The following RAD54B variants were observed in gnomAD, a reference collection of about 807,000 sequenced individuals.
RAD54B encodes DNA repair and recombination protein RAD54B.
RAD54B carries 78 observed loss-of-function variants against 95.8 expected under a neutral mutation model. That is an observed-to-expected ratio of 0.81 (90% CI 0.68 to 0.98). The LOEUF is 0.98. Among genes scored for constraint, RAD54B ranks in the 50% least tolerant of loss-of-function variants. RAD54B has a pLI of 0.00. For missense variants in RAD54B, 957 were observed against 1,056.6 expected, an observed-to-expected ratio of 0.91 and a Z score of 1.31; for synonymous variants, 328 against 354.9, an observed-to-expected ratio of 0.92 and a Z score of 0.85.
chr8:94,440,525 A>C (rs543496292), intron 3 of RAD54B, among the ~76,000 whole-genome samples: 18 of 152,210 alleles, frequency 1.2e-4, no homozygotes, highest in Admixed American at 7.9e-4. Context: ...AACTGGTAAA[A>C]GACATCGAAT....
intron 3 of RAD54B, among the ~76,000 whole-genome samples, chr8:94,416,140 G>A (rs1478753256): frequency 3.3e-5 from 5 of 151,430 alleles, no homozygotes; most frequent in Admixed American, 3.3e-4. Context: ...TGATAGACTG[G>A]ATTAAGAAAA....
At chr8:94,436,948 A>G (rs763816465) in intron 3 of RAD54B, 24 of 1,450,958 alleles carry the variant, frequency 1.7e-5, no homozygotes, top group African/African-American at 2.9e-5. Context: ...CACAAACAGA[A>G]AAAGATCAGG....
rs564435569 is a variant in RAD54B at position 94,396,674 on chromosome 8, G to C, written c.1378+2740C>G. Among the ~76,000 whole-genome samples the C allele has an allele frequency of 3.9e-5, 6 of 152,120 alleles. 1 individual carries two copies. The South Asian group carries it at 8.3e-4, about 21-fold the overall frequency. On this transcript the variant is annotated intron_variant, in intron 8 of 14. Coordinates refer to ENST00000336148, the MANE Select transcript of RAD54B (RefSeq NM_012415.3). ...TTATCTTTTCTATGATATAATGAAA[G>C]GGCATTGAAGATCTTATAATAATCA...
At chr8:94,413,326 C>A (rs1580498) in intron 3 of RAD54B, among the ~76,000 whole-genome samples, 2 of 151,966 alleles carry the variant, frequency 1.3e-5, no homozygotes, top group Non-Finnish European at 1.5e-5. Flanking sequence ...TTGGTACTGC[C>A]CTTCCTCTCC....
intron 13 of RAD54B, 28 bp from the exon 14 acceptor site, chr8:94,378,408 C>T: frequency 1.9e-6 from 3 of 1,581,740 alleles, no homozygotes; most frequent in Non-Finnish European, 2.6e-6. Flanking sequence ...ATTAGATTTC[C>T]TTCAGATCTT....
At chr8:94,417,275 A>G (rs1448527595) in intron 3 of RAD54B, among the ~76,000 whole-genome samples, 2 of 152,106 alleles carry the variant, frequency 1.3e-5, no homozygotes, top group African/African-American at 2.4e-5. Context: ...AGCTAAAGGT[A>G]AAAAGTTTCT....
chr8:94,416,338 G>A (rs1811666036), intron 3 of RAD54B, among the ~76,000 whole-genome samples: 2 of 151,968 alleles, frequency 1.3e-5, no homozygotes, highest in African/African-American at 4.8e-5. Context: ...GACACAGGAA[G>A]GGGAACATCA....
Position 94,378,613 on chromosome 8 carries a change from C to G in RAD54B, c.2269G>C (p.Asp757His), listed in dbSNP as rs1257923699. The G allele has an allele frequency of 6.2e-7, 1 of 1,609,548 alleles. No homozygotes were observed. The highest frequency in any genetic ancestry group is 1.3e-5 in the African/African-American group (1 of 74,752). The change falls in exon 13 of 15, where the codon GAT becomes CAT. Residue 757 changes from aspartate to histidine, a missense_variant. Transcript: ENST00000336148. ...ATATGTACAGGATATTTCTGACCAT[C>G]TCTCCATACTCTAGACATTGCCTAT... ...DIQAMSRVWR[D>H]GQKYPVHIYR...
In RAD54B at chr8:94,380,160, T is replaced by C. The variant is rs1810698704; in HGVS notation, c.2232A>G (p.Pro744=). Residue 744 remains proline (P), a synonymous_variant, in exon 12 of 15, where the codon CCA becomes CCG. Coordinates refer to ENST00000336148, the MANE Select transcript of RAD54B (RefSeq NM_012415.3). ...ATATTCCTACCTGAATGTCAGTGGC[T>C]GGATTCCAATCAATGTCATAGAGAA... ...HLILYDIDWN[P]ATDIQAMSRV... The C allele has an allele frequency of 7.5e-6, 12 of 1,609,438 alleles. No homozygotes were observed. Among genetic ancestry groups the C allele is most frequent in the Non-Finnish European group, 9.3e-6 (11 of 1,177,116 alleles).
At position 94,399,533 on chromosome 8, in the gene RAD54B, A is replaced by C; in HGVS notation, c.1259T>G (p.Ile420Ser). 6.2e-7 allele frequency: 1 copy of C among 1,613,326 alleles called. No homozygotes were observed. The highest frequency in any genetic ancestry group is 8.5e-7 in the Non-Finnish European group (1 of 1,179,528). Reference protein sequence around the residue: ...YEMLLRSLDQIKNIKFDLLIC... With the variant: ...YEMLLRSLDQSKNIKFDLLIC... ...TAGAAGATCAAATTTTATATTCTTA[A>C]TTTGATCCAGGGAACGAAGTAACAT... The change falls in exon 8 of 15, where the codon ATT (isoleucine) becomes AGT (serine). Residue 420 changes from isoleucine (I) to serine (S), a missense_variant. Transcript: ENST00000336148.
intron 11 of RAD54B, among the ~76,000 whole-genome samples, chr8:94,382,362 A>G (rs1586121316): frequency 6.6e-6 from 1 of 152,206 alleles, no homozygotes; most frequent in East Asian, 1.9e-4. Flanking sequence ...AAAACTAGAA[A>G]ACAACATGTA....
chr8:94,387,141 T>G lies in RAD54B; in HGVS notation c.1828A>C (p.Thr610Pro), dbSNP rs114436457. The change falls in exon 11 of 15, where the codon ACT becomes CCT. Residue 610 changes from threonine to proline, a missense_variant. Thr to Pro is a conservative substitution (Grantham distance 38, BLOSUM62 -1). Transcript: ENST00000336148. ...CTCTTTTCTTCATTTTTATCACAAGTTGAGCTACATTCCTTTTCCTATTCA... is the reference window on the plus strand; with the variant it reads ...CTCTTTTCTTCATTTTTATCACAAGGTGAGCTACATTCCTTTTCCTATTCA... Reference protein sequence around the residue: ...NSIKEKECSSTCDKNEEKSLY... With the variant: ...NSIKEKECSSPCDKNEEKSLY... 424 of 1,595,350 alleles carry G rather than the reference T, an allele frequency of 2.7e-4. 4 individuals carry two copies. The Middle Eastern group carries it at 6.9e-3, about 26-fold the overall frequency.
chr8:94,458,463 T>C (rs772358665), intron 2 of RAD54B, 27 bp from the exon 3 acceptor site: 1 of 1,503,642 alleles, frequency 6.7e-7, no homozygotes, highest in South Asian at 1.4e-5. Flanking sequence ...TATATTTAAA[T>C]CAGAACTCAA....
At chr8:94,430,627 A>ACAATGGAGTAGAC in intron 3 of RAD54B, 2 of 610,048 alleles carry the variant, frequency 3.3e-6, no homozygotes, top group Non-Finnish European at 4.1e-6. Context: ...TACTTGGAAA[A>ACAATGGAGTAGAC]CCATTGGTCT....
At position 94,378,197 on chromosome 8, in the gene RAD54B, C is replaced by T. The variant is rs752511501; in HGVS notation, c.2498G>A (p.Gly833Glu). 178 of 1,610,662 alleles carry T rather than the reference C, an allele frequency of 1.1e-4. No homozygotes were observed. Among genetic ancestry groups the T allele is most frequent in the South Asian group, 8.8e-5 (8 of 90,568 alleles). Residue 833 changes from glycine to glutamate, a missense_variant, in exon 14 of 15, where the codon GGA becomes GAA. Transcript: ENST00000336148. The part of the protein sequence containing the change: ...THDLLDCECT[G>E]EEVHTGDSLE... ...TAACTAACCTGTATGAACTTCTTCT[C>T]CTGTACACTCACAGTCAAGCAGATC...
At chr8:94,449,048 G>GCACA (rs137936104) in intron 3 of RAD54B, among the ~76,000 whole-genome samples, 79,292 of 149,882 alleles carry the variant, frequency 0.53, 21,275 homozygotes, top group Non-Finnish European at 0.6. Context: ...ACACATGCAT[G>GCACA]CACACACACA....
At chr8:94,437,651 G>A (rs1812299374) in intron 3 of RAD54B, among the ~76,000 whole-genome samples, 1 of 152,168 alleles carries the variant, frequency 6.6e-6, no homozygotes, top group South Asian at 2.1e-4. Flanking sequence ...CGTAATGTAT[G>A]TGAATTTGCT....
At chr8:94,459,994 T>G (rs1398000277) in intron 2 of RAD54B, among the ~76,000 whole-genome samples, 3 of 145,314 alleles carry the variant, frequency 2.1e-5, no homozygotes, top group African/African-American at 7.7e-5. Flanking sequence ...CGGTCTCTAC[T>G]AAAAATACAA....
chr8:94,377,968 T>A (rs1281277092), intron 14 of RAD54B, among the ~76,000 whole-genome samples: 2 of 73,102 alleles, frequency 2.7e-5, no homozygotes, highest in South Asian at 5.5e-4. Context: ...AGAGCGAGAC[T>A]CCGTCTCAAA....
Sources: allele counts gnomAD v4.1 joint callset (sites outside exome capture counted in the v4.1 genomes callset), GRCh38; gene constraint gnomAD v4.1.1; transcripts MANE v1.5; gene names NCBI Gene and HGNC (gene_info 2026-07-23, HGNC 2026-07-21).